L3MBTL4: variants seen among roughly 807,000 people sequenced by gnomAD.
L3MBTL4 encodes the protein L3MBTL histone methyl-lysine binding protein 4.
In L3MBTL4, 70 loss-of-function variants were observed where a neutral mutation model predicts 84.5. The observed-to-expected ratio is 0.83, with a 90% CI of 0.68 to 1.01. L3MBTL4 has a LOEUF of 1.01. Among genes scored for constraint, L3MBTL4 ranks in the 50% least tolerant of loss-of-function variants. The pLI is 0.00. For synonymous variants in L3MBTL4, 274 were observed against 259.8 expected (o/e 1.05, Z -0.52); for missense variants, 715 against 754.8 (o/e 0.95, Z 0.62).
chr18:6,197,107 A>T (rs1256024722), intron 12 of L3MBTL4, among the ~76,000 whole-genome samples: 2 of 152,200 alleles, frequency 1.3e-5, no homozygotes, highest in African/African-American at 4.8e-5. Flanking sequence ...TTCTTTTTTT[A>T]AAAACTTTTA....
intron 16 of L3MBTL4, among the ~76,000 whole-genome samples, chr18:5,974,235 C>T (rs1224394070): frequency 6.6e-6 from 1 of 152,270 alleles, no homozygotes; most frequent in Admixed American, 6.5e-5. Flanking sequence ...AAGGTGCTTA[C>T]AGATATACTG....
chr18:6,299,594 T>C (rs1232266064), intron 4 of L3MBTL4, among the ~76,000 whole-genome samples: 1 of 152,190 alleles, frequency 6.6e-6, no homozygotes, highest in Non-Finnish European at 1.5e-5. Context: ...CTCAATAAAA[T>C]GTTTTAACAA....
chr18:6,204,938 C>T (rs1320855795), intron 12 of L3MBTL4, among the ~76,000 whole-genome samples: 1 of 152,212 alleles, frequency 6.6e-6, no homozygotes, highest in Non-Finnish European at 1.5e-5. Flanking sequence ...ACACAGTAGA[C>T]CTCATCTCTT....
intron 4 of L3MBTL4, among the ~76,000 whole-genome samples, chr18:6,267,757 T>C (rs896052290): frequency 2.0e-5 from 3 of 152,222 alleles, no homozygotes; most frequent in Non-Finnish European, 4.4e-5. Context: ...CCTTTTAAAA[T>C]TGATCAAAAA....
chr18:6,065,686 A>T (rs2057376650), intron 16 of L3MBTL4, among the ~76,000 whole-genome samples: 1 of 151,898 alleles, frequency 6.6e-6, no homozygotes, highest in Non-Finnish European at 1.5e-5. Context: ...CTGTGGTATC[A>T]ATTATAATAT....
intron 12 of L3MBTL4, among the ~76,000 whole-genome samples, chr18:6,204,939 C>T (rs1013200827): frequency 4.8e-4 from 73 of 152,186 alleles, no homozygotes; most frequent in African/African-American, 1.7e-3. Context: ...CACAGTAGAC[C>T]TCATCTCTTC....
intron 16 of L3MBTL4, chr18:6,046,792 C>G: frequency 1.3e-6 from 1 of 760,168 alleles, no homozygotes; most frequent in Non-Finnish European, 2.4e-6. Context: ...ACACTTACCT[C>G]AAAAAGTTAG....
At chr18:6,140,915 T>G (rs925264130) in intron 13 of L3MBTL4, among the ~76,000 whole-genome samples, 1 of 151,886 alleles carries the variant, frequency 6.6e-6, no homozygotes, top group Non-Finnish European at 1.5e-5. Context: ...TGTTTTAATA[T>G]CACCACACAC....
rs199585382 is a variant in L3MBTL4 at position 6,293,543 on chromosome 18, T to TA, written c.127+8359dup. Among the ~76,000 whole-genome samples, 146 of 149,674 alleles carry TA rather than the reference T, an allele frequency of 9.8e-4. 1 individual carries two copies. In the East Asian group the frequency reaches 0.014, roughly 14 times the overall value. ...TAAGAAATAAATAAAAAGAAATTTG[T>TA]AAAAAAAAAATGATATTTCTAGTTT... On this transcript the variant is annotated intron_variant, in intron 4 of 18. Transcript: ENST00000317931.
At chr18:5,984,584 C>A (rs1019469500) in intron 16 of L3MBTL4, among the ~76,000 whole-genome samples, 1 of 152,130 alleles carries the variant, frequency 6.6e-6, no homozygotes, top group Non-Finnish European at 1.5e-5. Context: ...GGGGGGGAAG[C>A]TTTTTAAAAT....
chr18:6,244,074 C>A (rs534528684), intron 6 of L3MBTL4, among the ~76,000 whole-genome samples: 12 of 152,228 alleles, frequency 7.9e-5, no homozygotes, highest in African/African-American at 2.9e-4. Context: ...GAGCTCTCCA[C>A]TCTAAATAAT....
chr18:5,958,538 T>C (rs1458152241), intron 18 of L3MBTL4, among the ~76,000 whole-genome samples: 2 of 152,180 alleles, frequency 1.3e-5, no homozygotes, highest in East Asian at 1.9e-4. Context: ...TAATCTATTA[T>C]ATGGGTTTGA....
At chr18:6,239,223 C>T (rs1476479154) in intron 9 of L3MBTL4, among the ~76,000 whole-genome samples, 1 of 150,640 alleles carries the variant, frequency 6.6e-6, no homozygotes, top group Non-Finnish European at 1.5e-5. Context: ...CGCCTGTAGT[C>T]CCAGCTACTT....
In L3MBTL4 at chr18:6,314,875, G is replaced by A. The variant is rs552505468; in HGVS notation, c.-90-2819C>T. Among the ~76,000 whole-genome samples, 9 of 152,240 alleles carry A rather than the reference G, an allele frequency of 5.9e-5. No homozygotes were observed. In the South Asian group the frequency reaches 8.3e-4, roughly 14 times the overall value. On this transcript the variant is annotated intron_variant, in intron 1 of 18. Coordinates refer to ENST00000317931, the MANE Select transcript of L3MBTL4 (RefSeq NM_001330559.2). The stretch of plus-strand genomic sequence containing the variant: ...CAGGTACCTTGAGGAATATGAAGCT[G>A]ATTAATCACACACCCGCTAAAGGGA...
At chr18:6,164,066 C>T (rs1380154511) in intron 13 of L3MBTL4, among the ~76,000 whole-genome samples, 2 of 152,188 alleles carry the variant, frequency 1.3e-5, no homozygotes, top group African/African-American at 2.4e-5. Flanking sequence ...CCTATGCCCA[C>T]GGAGCCTCGC....
chr18:6,162,770 C>T (rs951417447), intron 13 of L3MBTL4, among the ~76,000 whole-genome samples: 12 of 152,116 alleles, frequency 7.9e-5, no homozygotes, highest in South Asian at 2.1e-4. Context: ...AACAACTGAG[C>T]GGTGTGATTT....
chr18:6,304,225 A>G (rs1192604921), intron 3 of L3MBTL4, among the ~76,000 whole-genome samples: 2 of 152,298 alleles, frequency 1.3e-5, no homozygotes, highest in East Asian at 3.9e-4. Flanking sequence ...GATAATTTGT[A>G]TAGTAACAAA....
chr18:6,051,336 C>T (rs553009741), intron 16 of L3MBTL4, among the ~76,000 whole-genome samples: 2 of 152,216 alleles, frequency 1.3e-5, no homozygotes, highest in African/African-American at 4.8e-5. Context: ...GTCAGGAGTT[C>T]GAGACCAGCC....
intron 16 of L3MBTL4, among the ~76,000 whole-genome samples, chr18:5,990,763 TCA>T (rs1491045813): frequency 1.1e-4 from 14 of 130,050 alleles, no homozygotes; most frequent in African/African-American, 5.0e-4. Flanking sequence ...TTAGTAGGGT[TCA>T]TGTGGGTGTG....
Sources: allele counts gnomAD v4.1 joint callset (sites outside exome capture counted in the v4.1 genomes callset), GRCh38; gene constraint gnomAD v4.1.1; transcripts MANE v1.5; gene names NCBI Gene and HGNC (gene_info 2026-07-23, HGNC 2026-07-21).